The following METTL2B variants were observed in gnomAD, a reference collection of about 807,000 sequenced individuals.
The protein encoded by METTL2B is tRNA N(3)-cytidine methyltransferase METTL2B.
Under a neutral mutation model 51.0 loss-of-function variants are expected in METTL2B, and 28 were observed. The ratio of observed to expected loss-of-function variants is 0.55; its 90% CI spans 0.41 to 0.75. The LOEUF is 0.75. Among genes scored for constraint, METTL2B ranks in the 30% least tolerant of loss-of-function variants. METTL2B has a pLI of 0.00. For missense variants in METTL2B, 313 were observed against 460.7 expected, an observed-to-expected ratio of 0.68 and a Z score of 2.93; for synonymous variants, 128 against 166.3, an observed-to-expected ratio of 0.77 and a Z score of 1.77.
At chr7:128,484,217 C>CTTTTTTTGTTTTGTTTTG (rs1792641755) in intron 4 of METTL2B, 4 of 42,414 alleles carry the variant, frequency 9.4e-5, no homozygotes, top group African/African-American at 4.0e-4. Flanking sequence ...TGCCTAGATC[C>CTTTTTTTGTTTTGTTTTG]TTTTTTTTTT....
In METTL2B at chr7:128,505,407, A is replaced by G. The variant is rs1038721292; in HGVS notation, c.*3491A>G. 2.6e-5 allele frequency: 4 copies of G among 152,174 alleles called. No homozygotes were observed. Among genetic ancestry groups the G allele is most frequent in the Admixed American group, 2.0e-4 (3 of 15,266 alleles). 9.4% of individuals were successfully genotyped at this position (152,174 alleles called of 1,614,324 possible). Reference sequence around the variant, plus strand: ...GTAAGAGGCTATTGTGTAAACTCGAATTGGGTTTGTTGGTGTTTCTTCATG... The same window carrying G: ...GTAAGAGGCTATTGTGTAAACTCGAGTTGGGTTTGTTGGTGTTTCTTCATG... On this transcript the variant is annotated 3_prime_UTR_variant, in exon 9 of 9. Coordinates refer to ENST00000262432, the MANE Select transcript of METTL2B (RefSeq NM_018396.3).
At chr7:128,488,445 G>A (rs1168201534) in intron 5 of METTL2B, 1 of 591,560 alleles carries the variant, frequency 1.7e-6, no homozygotes, top group Non-Finnish European at 3.3e-6. Context: ...TAGTGTCTGT[G>A]TGTCATGCTT....
intron 2 of METTL2B, among the ~76,000 whole-genome samples, chr7:128,478,723 G>A (rs970522912): frequency 2.2e-4 from 13 of 57,922 alleles, no homozygotes; most frequent in Admixed American, 7.5e-4. Flanking sequence ...AAAATTAGCC[G>A]GGCGTGGTCG....
chr7:128,502,457 A>G lies in METTL2B; in HGVS notation c.*541A>G. Reference sequence around the variant, plus strand: ...GGCTAGGCAATTGCAGTTAATACATACAGGGGTTAGTGAAGGGCTTATTAA... The same window carrying G: ...GGCTAGGCAATTGCAGTTAATACATGCAGGGGTTAGTGAAGGGCTTATTAA... On this transcript the variant is annotated 3_prime_UTR_variant, in exon 9 of 9. Transcript: ENST00000262432. 1 of 377,198 alleles carries G rather than the reference A, an allele frequency of 2.7e-6. No homozygotes were observed. Among genetic ancestry groups the G allele is most frequent in the African/African-American group, 2.2e-5 (1 of 46,114 alleles). The allele number at this position is 377,198 out of a possible 1,614,324, so 23.4% of individuals were successfully genotyped here.
At chr7:128,496,663 T>C (rs117643899) in intron 6 of METTL2B, among the ~76,000 whole-genome samples, 2,371 of 152,288 alleles carry the variant, frequency 0.016, 31 homozygotes, top group South Asian at 0.055. Flanking sequence ...GCACACACTT[T>C]TAGTCCCAGC....
intron 4 of METTL2B, among the ~76,000 whole-genome samples, chr7:128,485,402 G>A (rs1368570917): frequency 1.3e-5 from 2 of 152,084 alleles, no homozygotes; most frequent in East Asian, 1.9e-4. Flanking sequence ...TGCGGCTCAC[G>A]CCTGTAATCC....
intron 5 of METTL2B, among the ~76,000 whole-genome samples, chr7:128,493,141 T>C (rs1479304385): frequency 1.3e-5 from 2 of 152,214 alleles, no homozygotes; most frequent in Non-Finnish European, 2.9e-5. Flanking sequence ...CTTTACTCTT[T>C]GAGTCCTCCC....
intron 6 of METTL2B, among the ~76,000 whole-genome samples, chr7:128,497,439 A>G (rs909834452): frequency 1.1e-4 from 16 of 152,154 alleles, no homozygotes; most frequent in African/African-American, 3.9e-4. Context: ...TATCTAGGAC[A>G]GTGGGGAAGT....
chr7:128,486,466 G>C (rs1388956301), intron 4 of METTL2B, among the ~76,000 whole-genome samples: 2 of 151,910 alleles, frequency 1.3e-5, no homozygotes, highest in Admixed American at 6.6e-5. Context: ...AAGGCATGGT[G>C]GTGGGCACCT....
chr7:128,477,915 G>T (rs1196238793), intron 2 of METTL2B: 2 of 442,060 alleles, frequency 4.5e-6, no homozygotes, highest in Non-Finnish European at 9.2e-6. Flanking sequence ...AAGGGATTTT[G>T]AAAATCATGT....
intron 6 of METTL2B, 97 bp from the exon 7 acceptor site, chr7:128,497,939 T>G (rs10245559): frequency 0.22 from 272,246 of 1,225,440 alleles, 31,934 homozygotes; most frequent in Middle Eastern, 0.32. Flanking sequence ...GGTGTGTCAG[T>G]TGAGGAAGTC....
At chr7:128,482,223 G>A (rs1265588474) in intron 4 of METTL2B, among the ~76,000 whole-genome samples, 6 of 151,970 alleles carry the variant, frequency 3.9e-5, no homozygotes, top group Non-Finnish European at 5.9e-5. Context: ...GCACAATCTC[G>A]ACTCATTGCA....
At chr7:128,492,043 A>G (rs1433122976) in intron 5 of METTL2B, among the ~76,000 whole-genome samples, 2 of 152,152 alleles carry the variant, frequency 1.3e-5, no homozygotes. Context: ...TCAGTCACTC[A>G]GGCTGGAGTG....
At position 128,493,918 on chromosome 7, in the gene METTL2B, G is replaced by A. The variant is rs1792879259; in HGVS notation, c.784G>A (p.Val262Ile). Reference sequence around the variant, plus strand: ...TCTTGATATTATCATTCTCATATTTGTTCTTTCAGCAGTTGTTCCAGACAA... The same window carrying A: ...TCTTGATATTATCATTCTCATATTTATTCTTTCAGCAGTTGTTCCAGACAA... Reference protein sequence around the residue: ...GSLDIIILIFVLSAVVPDKMQ... With the variant: ...GSLDIIILIFILSAVVPDKMQ... The change falls in exon 6 of 9, where the codon GTT (valine) becomes ATT (isoleucine). Residue 262 changes from valine (V) to isoleucine (I), a missense_variant. Val to Ile is a conservative substitution (Grantham distance 29). Coordinates refer to ENST00000262432, the MANE Select transcript of METTL2B (RefSeq NM_018396.3). 1.2e-6 allele frequency: 2 copies of A among 1,603,062 alleles called. No homozygotes were observed. Among genetic ancestry groups the A allele is most frequent in the African/African-American group, 2.7e-5 (2 of 74,236 alleles).
chr7:128,488,096 T>G lies in METTL2B; in HGVS notation c.609-5T>G. The G allele has an allele frequency of 6.5e-7, 1 of 1,544,144 alleles. No individual in the cohort carries two copies. The highest frequency in any genetic ancestry group is 1.2e-5 in the South Asian group (1 of 85,008). Reference sequence around the variant, plus strand: ...TCATTGTTTTGTCTTTTCTGCCCATTTCAGTGACCCAGGACTCTTTGTTTA... The same window carrying G: ...TCATTGTTTTGTCTTTTCTGCCCATGTCAGTGACCCAGGACTCTTTGTTTA... On this transcript the variant is annotated splice_polypyrimidine_tract_variant and splice_region_variant and intron_variant, in intron 4 of 8. Coordinates refer to ENST00000262432, the MANE Select transcript of METTL2B (RefSeq NM_018396.3).
rs537730459 is a variant in METTL2B, at chr7:128,486,551, G to T, written c.609-1550G>T. Among the ~76,000 whole-genome samples, 4 of 151,882 alleles carry T rather than the reference G, an allele frequency of 2.6e-5. No homozygotes were observed. The East Asian group carries it at 5.8e-4, about 22-fold the overall frequency. ...GGAGGCAGAGGCTGCAGTGAGCTGAGATTGTCCCACTGTACTCCAGCCTGG... is the reference window on the plus strand; with the variant it reads ...GGAGGCAGAGGCTGCAGTGAGCTGATATTGTCCCACTGTACTCCAGCCTGG... On this transcript the variant is annotated intron_variant, in intron 4 of 8. Transcript: ENST00000262432.
chr7:128,488,121 A>C lies in METTL2B; in HGVS notation c.629A>C (p.Tyr210Ser). 1 of 1,610,974 alleles carries C rather than the reference A, an allele frequency of 6.2e-7. No individual in the cohort carries two copies. The highest frequency in any genetic ancestry group is 1.1e-5 in the South Asian group (1 of 90,666). The change falls in exon 5 of 9, where the codon TAT (tyrosine) becomes TCT (serine). Residue 210 changes from tyrosine to serine, a missense_variant. By Grantham distance (144) the Tyr-to-Ser change is moderately radical. Transcript: ENST00000262432. ...TTCAGTGACCCAGGACTCTTTGTTT[A>C]TTGCTGTGATTTTTCTTCCACAGCT... ...QTNNDPGLFV[Y>S]CCDFSSTAIE...
At chr7:128,501,705 T>C in intron 8 of METTL2B, 57 bp from the exon 9 acceptor site, 1 of 1,601,888 alleles carries the variant, frequency 6.2e-7, no homozygotes, top group South Asian at 1.1e-5. Flanking sequence ...ACTTAGTAGA[T>C]AAAAATGCCT....
intron 4 of METTL2B, among the ~76,000 whole-genome samples, chr7:128,481,090 AAC>A (rs910962171): frequency 3.3e-5 from 5 of 152,234 alleles, no homozygotes; most frequent in African/African-American, 1.2e-4. Context: ...ATCTCTGAAG[AAC>A]AGTCAGTGGC....
Sources: gnomAD v4.1 joint callset for allele counts (sites outside exome capture counted in the v4.1 genomes callset) on GRCh38, gnomAD v4.1.1 for gene constraint, MANE v1.5 for transcripts, NCBI Gene and HGNC (gene_info 2026-07-23, HGNC 2026-07-21) for gene names.